Variants in CEP131 observed in about 807,000 individuals in gnomAD.
CEP131 encodes the protein centrosomal protein of 131 kDa.
A neutral mutation model predicts 136.8 loss-of-function variants in CEP131; 99 were observed. The observed-to-expected ratio is 0.72, with a 90% CI of 0.62 to 0.86. CEP131 has a LOEUF of 0.86. Among genes scored for constraint, CEP131 ranks in the 40% least tolerant of loss-of-function variants. CEP131 has a pLI of 0.00. For synonymous variants in CEP131, 646 were observed against 612.7 expected, an observed-to-expected ratio of 1.05 and a Z score of -0.80; for missense variants, 1,459 against 1,463.0, an observed-to-expected ratio of 1.00 and a Z score of 0.04.
rs556939838 is a variant in CEP131 at position 81,202,525 on chromosome 17, CG to C, written c.630-128del. ...GAAGTGGTGCTGGCAGGCTGGCAGCCGGGGCAGAGGGGGACAGCGGCAGGTG... is the reference window on the plus strand; with the variant it reads ...GAAGTGGTGCTGGCAGGCTGGCAGCCGGGCAGAGGGGGACAGCGGCAGGTG... On this transcript the variant is annotated intron_variant, in intron 6 of 25. Coordinates refer to ENST00000450824, the MANE Select transcript of CEP131 (RefSeq NM_014984.4). 7.1e-5 allele frequency: 82 copies of C among 1,158,768 alleles called. No individual in the cohort carries two copies. In the African/African-American group the frequency reaches 1.1e-3, roughly 16 times the overall value. The allele number at this position is 1,158,768 out of a possible 1,614,324, so 71.8% of individuals were successfully genotyped here. A position where few individuals can be genotyped will look rare whatever the true frequency, so the allele number is the denominator to read the frequency against.
At chr17:81,192,658 C>T in intron 19 of CEP131, 65 bp from the exon 20 acceptor site, 1 of 635,260 alleles carries the variant, frequency 1.6e-6, no homozygotes, top group Non-Finnish European at 2.5e-6. Flanking sequence ...TGGGAGAGGT[C>T]AGCGGGTGAG....
intron 24 of CEP131, 90 bp from the exon 25 acceptor site, chr17:81,190,065 C>A: frequency 8.5e-7 from 1 of 1,172,136 alleles, no homozygotes; most frequent in Non-Finnish European, 1.2e-6. Flanking sequence ...GGGCAGCCGC[C>A]TGGTCAGCCT....
chr17:81,220,691 G>C (rs186008247), intron 1 of CEP131, among the ~76,000 whole-genome samples: 1,610 of 152,068 alleles, frequency 0.011, 32 homozygotes, highest in African/African-American at 0.037. Flanking sequence ...AGTAGAAACG[G>C]GGTTTTGCCA....
At position 81,192,758 on chromosome 17, in the gene CEP131, G is replaced by C. The variant is rs757399853; in HGVS notation, c.2407C>G (p.Arg803Gly). 1 of 1,587,108 alleles carries C rather than the reference G, an allele frequency of 6.3e-7. No individual in the cohort carries two copies. Among genetic ancestry groups the C allele is most frequent in the Non-Finnish European group, 8.5e-7 (1 of 1,169,720 alleles). Residue 803 changes from arginine to glycine, a missense_variant, in exon 19 of 26, where the codon CGG becomes GGG. Arg to Gly is a moderately radical substitution (Grantham distance 125). Coordinates refer to ENST00000450824, the MANE Select transcript of CEP131 (RefSeq NM_014984.4). ...LYSEVAEERE[R>G]LGQQAARQRA... ...CACCTGGCTGCCTGCTGGCCCAGCC[G>C]CTCCCTCTCCTCAGCCACCTCACTG...
intron 24 of CEP131, among the ~76,000 whole-genome samples, 172 bp downstream of exon 24, chr17:81,190,467 T>G (rs1261132635): frequency 6.6e-6 from 1 of 152,158 alleles, no homozygotes; most frequent in Non-Finnish European, 1.5e-5. Context: ...AAAACAGATC[T>G]AGGTCTCCTG....
At chr17:81,197,312 C>T (rs973308739) in intron 13 of CEP131, 13 of 573,252 alleles carry the variant, frequency 2.3e-5, no homozygotes, top group Non-Finnish European at 3.3e-5. Flanking sequence ...GCTTCCTGCC[C>T]TGTGACAATA....
intron 17 of CEP131, among the ~76,000 whole-genome samples, chr17:81,194,407 G>A (rs78573652): frequency 0.032 from 4,939 of 152,286 alleles, 273 homozygotes; most frequent in African/African-American, 0.11. Flanking sequence ...TGTCCAGAGC[G>A]AGAGGACCAG....
Position 81,197,781 on chromosome 17 carries a change from T to C in CEP131, c.1578A>G (p.Leu526=). The change falls in exon 13 of 26, where the codon CTA becomes CTG. Residue 526 remains leucine (L), a synonymous_variant. Transcript: ENST00000450824. ...CGTCCAAGAAGCTCATGATGCTTTG[T>C]AGCTTGGCCTCCGATAGCAGCGTCC... The part of the protein sequence containing the change: ...EDGTLLSEAK[L]QSIMSFLDEM... 2.5e-6 allele frequency: 4 copies of C among 1,613,268 alleles called. No individual in the cohort carries two copies. The highest frequency in any genetic ancestry group is 1.1e-5 in the South Asian group (1 of 91,086).
intron 11 of CEP131, among the ~76,000 whole-genome samples, 154 bp from the exon 12 acceptor site, chr17:81,198,451 C>T (rs2061817259): frequency 6.6e-6 from 1 of 152,160 alleles, no homozygotes; most frequent in Non-Finnish European, 1.5e-5. Flanking sequence ...CTCAGACCTT[C>T]CCACCCGGTC....
chr17:81,207,284 G>T, intron 3 of CEP131, 45 bp from the exon 4 acceptor site: 1 of 1,578,760 alleles, frequency 6.3e-7, no homozygotes, highest in East Asian at 2.3e-5. Flanking sequence ...GTCACCAGCC[G>T]GGAAGCCGAC....
chr17:81,204,774 G>A lies in CEP131; in HGVS notation c.516-1167C>T, dbSNP rs193267863. 2.7e-5 allele frequency among the ~76,000 whole-genome samples: 4 copies of A among 150,516 alleles called. No individual in the cohort carries two copies. The East Asian group carries it at 5.8e-4, about 22-fold the overall frequency. On this transcript the variant is annotated intron_variant, in intron 5 of 25. Coordinates refer to ENST00000450824, the MANE Select transcript of CEP131 (RefSeq NM_014984.4). ...CACCGGACCACACCTGCACCGGACC[G>A]CACCAGGCACCAGCCCACGCCCAGC...
chr17:81,222,391 C>G (rs1380205679), intron 1 of CEP131, among the ~76,000 whole-genome samples: 2 of 152,198 alleles, frequency 1.3e-5, no homozygotes, highest in African/African-American at 4.8e-5. Context: ...CTCCCATCTC[C>G]CCATTTTCCC....
At chr17:81,205,211 A>T (rs1313943896) in intron 5 of CEP131, among the ~76,000 whole-genome samples, 5 of 150,976 alleles carry the variant, frequency 3.3e-5, no homozygotes, top group African/African-American at 1.2e-4. Flanking sequence ...GTGAGCCGAG[A>T]TCACACCACT....
intron 2 of CEP131, among the ~76,000 whole-genome samples, chr17:81,217,410 C>T (rs75614002): frequency 0.046 from 6,946 of 151,996 alleles, 234 homozygotes; most frequent in African/African-American, 0.1. Flanking sequence ...ACCCCACCCA[C>T]AAACACCAGG....
intron 2 of CEP131, among the ~76,000 whole-genome samples, chr17:81,212,603 C>T (rs1390196628): frequency 6.6e-6 from 1 of 152,044 alleles, no homozygotes; most frequent in East Asian, 1.9e-4. Flanking sequence ...TGCAGAGGGG[C>T]TGTCCCAGAG....
At chr17:81,206,968 C>A (rs1322545629) in intron 4 of CEP131, 97 bp from the exon 5 acceptor site, 1 of 1,549,374 alleles carries the variant, frequency 6.5e-7, no homozygotes, top group South Asian at 1.2e-5. Context: ...ACCAACTTCC[C>A]ATACAGACAG....
At chr17:81,200,702 C>T (rs1278583991) in intron 7 of CEP131, among the ~76,000 whole-genome samples, 1 of 152,208 alleles carries the variant, frequency 6.6e-6, no homozygotes, top group Non-Finnish European at 1.5e-5. Context: ...CCCACGCAGG[C>T]CTGTGTGGCC....
chr17:81,195,938 T>C lies in CEP131; in HGVS notation c.1913A>G (p.Lys638Arg). ...LAFIDQLIED[K>R]KVLSEKCEAV... ...CTCGCACTTTTCACTCAGGACCTTC[T>C]TGTCCTCAATCAGCTGTGTTGGGGA... is the stretch of plus-strand genomic sequence containing the variant. The change falls in exon 16 of 26, where the codon AAG (lysine) becomes AGG (arginine). Residue 638 changes from lysine (K) to arginine (R), a missense_variant. Physicochemically the swap from Lys to Arg is conservative, Grantham distance 26. This residue lies in a region of CEP131 where 1,026 missense variants were observed against 964.2 expected (regional missense o/e 1.06). Coordinates refer to ENST00000450824, the MANE Select transcript of CEP131 (RefSeq NM_014984.4). 1 of 1,609,540 alleles carries C rather than the reference T, an allele frequency of 6.2e-7. No homozygotes were observed. Among genetic ancestry groups the C allele is most frequent in the Non-Finnish European group, 8.5e-7 (1 of 1,179,816 alleles).
In CEP131 at chr17:81,197,736, C is replaced by G; in HGVS notation, c.1623G>C (p.Gln541His). 6.2e-7 allele frequency: 1 copy of G among 1,612,460 alleles called. No individual in the cohort carries two copies. The highest frequency in any genetic ancestry group is 1.1e-5 in the South Asian group (1 of 91,072). The change falls in exon 13 of 26, where the codon CAG (glutamine) becomes CAC (histidine). Residue 541 changes from glutamine (Q) to histidine (H), a missense_variant. Gln to His is a conservative substitution (Grantham distance 24). Coordinates refer to ENST00000450824, the MANE Select transcript of CEP131 (RefSeq NM_014984.4). ...SFLDEMEKSG[Q>H]DQLDSQQEGW... ...CCTCCTGCTGGGAGTCCAGCTGGTC[C>G]TGCCCAGACTTCTCCATCTCGTCCA...
Sources: allele counts gnomAD v4.1 joint callset (sites outside exome capture counted in the v4.1 genomes callset), GRCh38; gene constraint gnomAD v4.1.1; regional missense constraint gnomAD v4.1.1; transcripts MANE v1.5; gene names NCBI Gene and HGNC (gene_info 2026-07-23, HGNC 2026-07-21).